ANKS1B: variants seen among roughly 807,000 people sequenced by gnomAD.
ANKS1B encodes ankyrin repeat and sterile alpha motif domain-containing protein 1B.
ANKS1B carries 36 observed loss-of-function variants against 148.3 expected under a neutral mutation model. The observed-to-expected ratio is 0.24, with a 90% confidence interval of 0.19 to 0.32. The LOEUF is 0.32. Ranked by LOEUF, ANKS1B falls within the 10% of genes least tolerant of loss-of-function variation. ANKS1B has a pLI of 1.00. For synonymous variants in ANKS1B, 542 were observed against 560.8 expected, an observed-to-expected ratio of 0.97 and a Z score of 0.47; for missense variants, 1,157 against 1,542.6, an observed-to-expected ratio of 0.75 and a Z score of 4.19.
At chr12:98,944,939 C>A (rs991693553) in intron 17 of ANKS1B, among the ~76,000 whole-genome samples, 5 of 152,172 alleles carry the variant, frequency 3.3e-5, no homozygotes, top group African/African-American at 9.7e-5. Flanking sequence ...TGTCTAAACC[C>A]TTTTCTTCTT....
chr12:98,843,163 T>C (rs1014524336), intron 17 of ANKS1B, among the ~76,000 whole-genome samples: 3 of 152,190 alleles, frequency 2.0e-5, no homozygotes, highest in Non-Finnish European at 4.4e-5. Context: ...AACTCAGCTT[T>C]AAATTGGATC....
chr12:99,070,921 T>C (rs1471396881), intron 16 of ANKS1B, among the ~76,000 whole-genome samples: 1 of 152,176 alleles, frequency 6.6e-6, no homozygotes, highest in Non-Finnish European at 1.5e-5. Context: ...TGCCTTGGCC[T>C]CCCAAAGTGC....
At chr12:98,815,755 T>C (rs1051157836) in intron 19 of ANKS1B, among the ~76,000 whole-genome samples, 1 of 152,180 alleles carries the variant, frequency 6.6e-6, no homozygotes, top group Non-Finnish European at 1.5e-5. Flanking sequence ...GCAAAGCCTA[T>C]TGAATCTACT....
At chr12:99,202,782 G>T (rs891712507) in intron 14 of ANKS1B, among the ~76,000 whole-genome samples, 1 of 152,178 alleles carries the variant, frequency 6.6e-6, no homozygotes. Flanking sequence ...TCAGCCAAGT[G>T]CTTCTTCTGT....
At chr12:99,595,716 T>C (rs902427681) in intron 9 of ANKS1B, among the ~76,000 whole-genome samples, 2 of 151,966 alleles carry the variant, frequency 1.3e-5, no homozygotes, top group Non-Finnish European at 2.9e-5. Flanking sequence ...AACATGCCCC[T>C]GTATAATACC....
chr12:99,475,319 G>A (rs2096301579), intron 10 of ANKS1B, among the ~76,000 whole-genome samples: 1 of 149,934 alleles, frequency 6.7e-6, no homozygotes, highest in Non-Finnish European at 1.5e-5. Context: ...AAATAATTTT[G>A]TAAGGTAGCT....
intron 9 of ANKS1B, among the ~76,000 whole-genome samples, chr12:99,604,814 T>G (rs1245032076): frequency 1.4e-5 from 1 of 70,478 alleles, no homozygotes; most frequent in Admixed American, 1.8e-4. Flanking sequence ...AAACTCTATC[T>G]CAAAAAAAAA....
intron 9 of ANKS1B, among the ~76,000 whole-genome samples, chr12:99,633,704 A>G (rs1220271193): frequency 6.6e-6 from 1 of 152,224 alleles, no homozygotes; most frequent in Non-Finnish European, 1.5e-5. Context: ...CAGGCAACCT[A>G]AAGAATGGGA....
At chr12:99,262,751 G>C (rs919790592) in intron 12 of ANKS1B, among the ~76,000 whole-genome samples, 1 of 151,952 alleles carries the variant, frequency 6.6e-6, no homozygotes, top group South Asian at 2.1e-4. Flanking sequence ...CTAAAAAATT[G>C]AGACATGTTT....
At chr12:98,876,264 T>C (rs2099689543) in intron 17 of ANKS1B, among the ~76,000 whole-genome samples, 1 of 152,156 alleles carries the variant, frequency 6.6e-6, no homozygotes. Context: ...CCTTCATCCG[T>C]GCTGTTTCCT....
At chr12:99,134,061 C>T (rs1287327561) in intron 15 of ANKS1B, among the ~76,000 whole-genome samples, 1 of 152,068 alleles carries the variant, frequency 6.6e-6, no homozygotes, top group East Asian at 1.9e-4. Context: ...ACTGTGCTAC[C>T]CTCTAGGGAA....
At chr12:99,921,497 T>C (rs1004607244) in intron 1 of ANKS1B, among the ~76,000 whole-genome samples, 19 of 152,262 alleles carry the variant, frequency 1.2e-4, no homozygotes, top group African/African-American at 4.3e-4. Flanking sequence ...CCACAGACTC[T>C]GGGTATCTTC....
At chr12:99,579,142 C>T (rs1476201626) in intron 9 of ANKS1B, among the ~76,000 whole-genome samples, 2 of 152,084 alleles carry the variant, frequency 1.3e-5, no homozygotes, top group Non-Finnish European at 2.9e-5. Context: ...AGCTGACTAC[C>T]CATATGCAGA....
intron 8 of ANKS1B, among the ~76,000 whole-genome samples, chr12:99,735,925 T>C (rs758299395): frequency 1.3e-5 from 2 of 151,736 alleles, no homozygotes; most frequent in Non-Finnish European, 2.9e-5. Flanking sequence ...CATGATCTAG[T>C]TGCATTTATC....
At chr12:99,250,215 C>T (rs1048404068) in intron 12 of ANKS1B, among the ~76,000 whole-genome samples, 3 of 152,152 alleles carry the variant, frequency 2.0e-5, no homozygotes, top group South Asian at 4.1e-4. Context: ...AAGAACTGTA[C>T]CTAGTTGTCT....
intron 17 of ANKS1B, among the ~76,000 whole-genome samples, chr12:98,887,018 G>T (rs1195536090): frequency 1.3e-5 from 2 of 152,138 alleles, no homozygotes; most frequent in African/African-American, 4.8e-5. Context: ...AACTCAGTCA[G>T]AATGAAGAAG....
intron 9 of ANKS1B, among the ~76,000 whole-genome samples, chr12:99,630,352 G>A (rs775948878): frequency 3.3e-5 from 5 of 152,118 alleles, no homozygotes; most frequent in African/African-American, 4.8e-5. Context: ...GTTTCCATGG[G>A]AGAAGGGGAC....
intron 8 of ANKS1B, among the ~76,000 whole-genome samples, chr12:99,725,980 G>A (rs6538927): frequency 0.2 from 30,251 of 152,048 alleles, 3,565 homozygotes; most frequent in East Asian, 0.51. Context: ...AGAATCTCTG[G>A]GACACAGCTA....
intron 23 of ANKS1B, 132 bp downstream of exon 23, chr12:98,781,994 G>T (rs1168433308): frequency 1.3e-6 from 1 of 766,556 alleles, no homozygotes; most frequent in Non-Finnish European, 2.1e-6. Context: ...TCTGCAAAAA[G>T]TTTCTCTATA....
Sources: allele counts gnomAD v4.1 joint callset (sites outside exome capture counted in the v4.1 genomes callset), GRCh38; gene constraint gnomAD v4.1.1; transcripts MANE v1.5; gene names NCBI Gene and HGNC (gene_info 2026-07-23, HGNC 2026-07-21).